TEPSIN: variants seen among roughly 807,000 people sequenced by gnomAD.
The protein encoded by TEPSIN is TEPSIN adaptor related protein complex 4 accessory protein.
A neutral mutation model predicts 48.5 loss-of-function variants in TEPSIN; 50 were observed. The observed-to-expected ratio is 1.03, with a 90% CI of 0.82 to 1.31. The LOEUF (loss-of-function observed/expected upper bound fraction) is 1.31, where lower values mean the gene tolerates loss of function less well. TEPSIN is among the 50% of genes most tolerant of loss of function. The pLI is 0.00. For missense variants in TEPSIN, 838 were observed against 815.9 expected (o/e 1.03, Z -0.33); for synonymous variants, 392 against 358.8 (o/e 1.09, Z -1.05).
intron 1 of TEPSIN, chr17:81,238,515 A>G (rs935169812): frequency 5.8e-5 from 41 of 705,316 alleles, no homozygotes; most frequent in Non-Finnish European, 6.8e-5. Flanking sequence ...GGGGCTTACA[A>G]TGGTGCGTCC....
chr17:81,230,657 A>G lies in TEPSIN; in HGVS notation c.1120T>C (p.Ser374Pro). The G allele has an allele frequency of 6.4e-7, 1 of 1,573,746 alleles. No individual in the cohort carries two copies. Among genetic ancestry groups the G allele is most frequent in the Non-Finnish European group, 8.6e-7 (1 of 1,158,330 alleles). The change falls in exon 12 of 13, where the codon TCC becomes CCC. Residue 374 changes from serine to proline, a missense_variant. Physicochemically the swap from Ser to Pro is moderately conservative, Grantham distance 74 (BLOSUM62 -1). Coordinates refer to ENST00000637944, the MANE Select transcript of TEPSIN (RefSeq NM_001363764.2). This position sits in a 1 kb window ranked among gnomAD's most constrained non-coding sequence, Gnocchi z 4.2. The part of the protein sequence containing the change: ...TQLRALCAIA[S>P]LGSSDLLPQE... Reference sequence around the variant, plus strand: ...GGGAGGAGGTCGCTGCTCCCCAGGGAGGCGATGGCACACAGCGCCCTCTGC... The same window carrying G: ...GGGAGGAGGTCGCTGCTCCCCAGGGGGGCGATGGCACACAGCGCCCTCTGC...
Position 81,230,809 on chromosome 17 carries a change from G to T in TEPSIN, c.1099-131C>A. The T allele has an allele frequency of 8.3e-7, 1 of 1,203,086 alleles. No homozygotes were observed. The highest frequency in any genetic ancestry group is 1.1e-6 in the Non-Finnish European group (1 of 893,868). The allele number at this position is 1,203,086 out of a possible 1,614,324, so 74.5% of individuals were successfully genotyped here. A position where few individuals can be genotyped will look rare whatever the true frequency, so the allele number is the denominator to read the frequency against. On this transcript the variant is annotated intron_variant, in intron 11 of 12. Coordinates refer to ENST00000637944, the MANE Select transcript of TEPSIN (RefSeq NM_001363764.2). The surrounding 1 kb of genome is among the most constrained non-coding windows in gnomAD (Gnocchi z 4.2). ...GGAGTGCCAGGAGGCCCCAGAGACA[G>T]CTCCACCACAGCCCTGTCCTCACCG... is the stretch of plus-strand genomic sequence containing the variant.
At chr17:81,236,536 G>T in intron 4 of TEPSIN, 172 bp downstream of exon 4, 2 of 707,624 alleles carry the variant, frequency 2.8e-6, no homozygotes, top group Non-Finnish European at 4.7e-6. Flanking sequence ...AGGGTGGGCA[G>T]CAGGTGGAGA....
Position 81,230,709 on chromosome 17 carries a change from C to G in TEPSIN, c.1099-31G>C, listed in dbSNP as rs1291508118. On this transcript the variant is annotated intron_variant, in intron 11 of 12. Coordinates refer to ENST00000637944, the MANE Select transcript of TEPSIN (RefSeq NM_001363764.2). This position sits in a 1 kb window ranked among gnomAD's most constrained non-coding sequence, Gnocchi z 4.2. ...GGTGAAGGGAGGGGACATCAGCACC[C>G]ATGGGGCAGCAGGTCCACGCCAGGG... 10 of 1,494,496 alleles carry G rather than the reference C, an allele frequency of 6.7e-6. No homozygotes were observed. The Admixed American group carries it at 1.9e-4, about 28-fold the overall frequency. The allele number at this position is 1,494,496 out of a possible 1,614,324, so 92.6% of individuals were successfully genotyped here. A position where few individuals can be genotyped will look rare whatever the true frequency, so the allele number is the denominator to read the frequency against.
At chr17:81,238,713 G>A in intron 1 of TEPSIN, 1 of 1,225,326 alleles carries the variant, frequency 8.2e-7, no homozygotes, top group East Asian at 3.3e-5. Flanking sequence ...GGAGGCCACT[G>A]AATGCTGGCC....
Position 81,230,846 on chromosome 17 carries a change from G to C in TEPSIN, c.1099-168C>G, listed in dbSNP as rs1199413407. ...CCCTGTCCTCACCGCCTTACACCCC[G>C]GATCCCAGACACCACAGCCCTGTCC... On this transcript the variant is annotated intron_variant, in intron 11 of 12. Transcript: ENST00000637944. This position sits in a 1 kb window ranked among gnomAD's most constrained non-coding sequence, Gnocchi z 4.2. The C allele has an allele frequency of 2.6e-4, 212 of 802,162 alleles. 2 individuals are homozygous for C. The African/African-American group carries it at 3.6e-3, about 13-fold the overall frequency. 49.7% of individuals were successfully genotyped at this position (802,162 alleles called of 1,614,324 possible). A position where few individuals can be genotyped will look rare whatever the true frequency, so the allele number is the denominator to read the frequency against.
In TEPSIN at chr17:81,234,418, C is replaced by T. The variant is rs2062685150; in HGVS notation, c.308-370G>A. The stretch of plus-strand genomic sequence containing the variant: ...TGGAGGGAGAAACCAGCGTTCTTAT[C>T]ACAGCCTGAAAGCTCCACCTAGCCC... On this transcript the variant is annotated intron_variant, in intron 4 of 12. Coordinates refer to ENST00000637944, the MANE Select transcript of TEPSIN (RefSeq NM_001363764.2). The surrounding 1 kb of genome is among the most constrained non-coding windows in gnomAD (Gnocchi z 5.4). 6.6e-6 allele frequency among the ~76,000 whole-genome samples: 1 copy of T among 152,144 alleles called. No homozygotes were observed. The highest frequency in any genetic ancestry group is 2.1e-4 in the South Asian group (1 of 4,834).
chr17:81,237,673 G>A, intron 1 of TEPSIN: 1 of 609,066 alleles, frequency 1.6e-6, no homozygotes, highest in Non-Finnish European at 2.8e-6. Context: ...CGGAGAAGAG[G>A]CAAATCAATG....
rs922026376 is a variant in TEPSIN at position 81,233,047 on chromosome 17, C to T, written c.526+385G>A. 3 of 285,578 alleles carry T rather than the reference C, an allele frequency of 1.1e-5. No homozygotes were observed. Among genetic ancestry groups the T allele is most frequent in the East Asian group, 8.0e-5 (1 of 12,498 alleles). The allele number at this position is 285,578 out of a possible 1,614,324, so 17.7% of individuals were successfully genotyped here. On this transcript the variant is annotated intron_variant, in intron 7 of 12. Coordinates refer to ENST00000637944, the MANE Select transcript of TEPSIN (RefSeq NM_001363764.2). This position sits in a 1 kb window ranked among gnomAD's most constrained non-coding sequence, Gnocchi z 5.8. ...GTGGTGCCACCTGTGGCTCTCCTGG[C>T]GCTGGTGAGCAGTTGTCCACTGGTA...
intron 9 of TEPSIN, 74 bp from the exon 10 acceptor site, chr17:81,231,765 C>A: frequency 1.9e-6 from 3 of 1,607,118 alleles, no homozygotes; most frequent in Non-Finnish European, 1.7e-6. Flanking sequence ...GGGGGAGAAC[C>A]TGGAGAGCAG....
Position 81,231,585 on chromosome 17 carries a change from T to TG in TEPSIN, c.1011dup (p.Ile338HisfsTer10). 6.2e-7 allele frequency: 1 copy of TG among 1,612,272 alleles called. No homozygotes were observed. ...GGGTCCGGGCGCACTCACGCTTTGATGAAGTGCTGTGCCTCCTCGCGGCTC... is the reference window on the plus strand; with the variant it reads ...GGGTCCGGGCGCACTCACGCTTTGATGGAAGTGCTGTGCCTCCTCGCGGCTC... On this transcript the variant is annotated frameshift_variant, in exon 10 of 13. Coordinates refer to ENST00000637944, the MANE Select transcript of TEPSIN (RefSeq NM_001363764.2). LOFTEE classifies it high-confidence loss of function.
At chr17:81,236,848 C>T in intron 3 of TEPSIN, 47 bp from the exon 4 acceptor site, 1 of 1,546,062 alleles carries the variant, frequency 6.5e-7, no homozygotes. Context: ...GGACACGGGA[C>T]ACCCAGGGCA....
At position 81,228,739 on chromosome 17, in the gene TEPSIN, C is replaced by T. The variant is rs2062517463; in HGVS notation, c.*189G>A. 5.7e-6 allele frequency: 4 copies of T among 701,556 alleles called. No homozygotes were observed. Among genetic ancestry groups the T allele is most frequent in the South Asian group, 5.3e-5 (3 of 56,876 alleles). The allele number at this position is 701,556 out of a possible 1,614,324, so 43.5% of individuals were successfully genotyped here. On this transcript the variant is annotated 3_prime_UTR_variant, in exon 13 of 13. Coordinates refer to ENST00000637944, the MANE Select transcript of TEPSIN (RefSeq NM_001363764.2). ...TGAAGCCCTGCCACCTGCCATCCCT[C>T]GTAGGGATTCAAGTCCAAATAGCCA...
At chr17:81,229,756 C>T (rs1243683204) in intron 12 of TEPSIN, 8 of 485,858 alleles carry the variant, frequency 1.6e-5, no homozygotes, top group South Asian at 2.7e-5. Context: ...ACACCCTCCC[C>T]GTCATAACCC....
Position 81,232,773 on chromosome 17 carries a change from G to C in TEPSIN, c.527-255C>G, listed in dbSNP as rs142728251. 7.5e-3 allele frequency: 3,591 copies of C among 480,966 alleles called. 20 individuals are homozygous for C. The highest frequency in any genetic ancestry group is 0.01 in the Non-Finnish European group (2,850 of 272,312). The allele number at this position is 480,966 out of a possible 1,614,324, so 29.8% of individuals were successfully genotyped here. Reference sequence around the variant, plus strand: ...TTATGCCTCCGTCCCTCTGTCCTCTGGGGGTGAAGGTGTCCTAAGGGGCTT... The same window carrying C: ...TTATGCCTCCGTCCCTCTGTCCTCTCGGGGTGAAGGTGTCCTAAGGGGCTT... On this transcript the variant is annotated intron_variant, in intron 7 of 12. Transcript: ENST00000637944.
Position 81,234,860 on chromosome 17 carries a change from C to A in TEPSIN, c.308-812G>T, listed in dbSNP as rs1287894980. Reference sequence around the variant, plus strand: ...GCTCTGTGACAGAGCAGGAGCATCACCATCTTGGACAAGCCCCTCATTCTA... The same window carrying A: ...GCTCTGTGACAGAGCAGGAGCATCAACATCTTGGACAAGCCCCTCATTCTA... On this transcript the variant is annotated intron_variant, in intron 4 of 12. Coordinates refer to ENST00000637944, the MANE Select transcript of TEPSIN (RefSeq NM_001363764.2). This position sits in a 1 kb window ranked among gnomAD's most constrained non-coding sequence, Gnocchi z 5.4. 6.6e-6 allele frequency among the ~76,000 whole-genome samples: 1 copy of A among 152,226 alleles called. No homozygotes were observed. The highest frequency in any genetic ancestry group is 1.9e-4 in the East Asian group (1 of 5,168).
intron 9 of TEPSIN, 32 bp downstream of exon 9, chr17:81,231,815 C>T (rs1313441974): frequency 6.2e-7 from 1 of 1,610,460 alleles, no homozygotes; most frequent in South Asian, 1.1e-5. Context: ...GCCTCCGAGA[C>T]CTCTCCCACA....
At chr17:81,235,404 C>T (rs2062703499) in intron 4 of TEPSIN, among the ~76,000 whole-genome samples, 1 of 152,202 alleles carries the variant, frequency 6.6e-6, no homozygotes, top group Admixed American at 6.5e-5. Flanking sequence ...CACCCACTTT[C>T]CTCACAGGGC....
intron 8 of TEPSIN, 26 bp from the exon 9 acceptor site, chr17:81,232,047 G>A (rs1348934008): frequency 6.3e-7 from 1 of 1,596,620 alleles, no homozygotes; most frequent in Admixed American, 1.7e-5. Flanking sequence ...CAGCCGGTGA[G>A]ATCCCTGGGG....
Sources: allele counts gnomAD v4.1 joint callset (sites outside exome capture counted in the v4.1 genomes callset), GRCh38; gene constraint gnomAD v4.1.1; non-coding constraint Gnocchi (gnomAD v3.1); transcripts MANE v1.5; gene names NCBI Gene and HGNC (gene_info 2026-07-23, HGNC 2026-07-21).